CDH23: variants seen among roughly 807,000 people sequenced by gnomAD.
The protein encoded by CDH23 is cadherin related 23.
Under a neutral mutation model 317.1 loss-of-function variants are expected in CDH23, and 189 were observed. The observed-to-expected ratio is 0.60, with a 90% CI of 0.53 to 0.67. CDH23 has a LOEUF of 0.67. CDH23 is among the 30% of genes least tolerant of loss of function. The probability of loss-of-function intolerance (pLI) is 0.00; values close to 1 mark genes in which losing one functional copy is unlikely to be tolerated. For synonymous variants in CDH23, 1,839 were observed against 1,876.8 expected (o/e 0.98, Z 0.52); for missense variants, 4,401 against 4,592.4 (o/e 0.96, Z 1.20).
At chr10:71,655,890 C>T (rs533315987) in intron 14 of CDH23, among the ~76,000 whole-genome samples, 8 of 152,136 alleles carry the variant, frequency 5.3e-5, no homozygotes, top group Non-Finnish European at 1.2e-4. Context: ...AGCCTCATAA[C>T]CCCACATTTC....
At chr10:71,590,601 A>T (rs1238692234) in intron 9 of CDH23, among the ~76,000 whole-genome samples, 1 of 152,162 alleles carries the variant, frequency 6.6e-6, no homozygotes, top group Non-Finnish European at 1.5e-5. Flanking sequence ...TTTCTTTATA[A>T]TGACAGTGGT....
At chr10:71,617,449 C>A (rs772268120) in intron 11 of CDH23, 56 bp downstream of exon 11, 4 of 1,582,636 alleles carry the variant, frequency 2.5e-6, no homozygotes, top group Non-Finnish European at 3.4e-6. Flanking sequence ...GACCCACCAC[C>A]CTGCCTGGGC....
At chr10:71,782,838 G>A (rs905076612) in intron 41 of CDH23, among the ~76,000 whole-genome samples, 1 of 152,264 alleles carries the variant, frequency 6.6e-6, no homozygotes, top group Non-Finnish European at 1.5e-5. Context: ...CCCAGGCAGG[G>A]TGAAGCCTAT....
At chr10:71,400,777 C>T (rs1002781311) in intron 1 of CDH23, among the ~76,000 whole-genome samples, 1 of 152,006 alleles carries the variant, frequency 6.6e-6, no homozygotes, top group Non-Finnish European at 1.5e-5. Flanking sequence ...CCAGCCTGGG[C>T]GACAGAGTGA....
At chr10:71,536,019 A>T (rs1414849654) in intron 6 of CDH23, among the ~76,000 whole-genome samples, 2 of 152,228 alleles carry the variant, frequency 1.3e-5, no homozygotes, top group Non-Finnish European at 2.9e-5. Context: ...TGGTTGCCCG[A>T]GATCTGCATG....
chr10:71,440,428 G>A (rs888922393), intron 2 of CDH23, among the ~76,000 whole-genome samples: 3 of 151,364 alleles, frequency 2.0e-5, no homozygotes, highest in East Asian at 1.9e-4. Flanking sequence ...GATGTCCATC[G>A]GAAGAAAAGA....
intron 9 of CDH23, among the ~76,000 whole-genome samples, chr10:71,610,018 A>T (rs1419095240): frequency 1.7e-4 from 26 of 151,768 alleles, no homozygotes; most frequent in Non-Finnish European, 2.9e-5. Context: ...GAGACGAGAG[A>T]GAGAGAGACG....
intron 1 of CDH23, among the ~76,000 whole-genome samples, chr10:71,414,080 T>TGTGC (rs1213985273): frequency 6.6e-6 from 1 of 151,364 alleles, no homozygotes. Flanking sequence ...TGTGTGTGTG[T>TGTGC]GTGTAATTGT....
chr10:71,523,853 C>A (rs1394871604), intron 6 of CDH23, among the ~76,000 whole-genome samples: 2 of 152,174 alleles, frequency 1.3e-5, no homozygotes, highest in African/African-American at 2.4e-5. Context: ...CTCATCCCGG[C>A]CCCCTCTCCA....
intron 6 of CDH23, among the ~76,000 whole-genome samples, chr10:71,553,153 G>C (rs936080404): frequency 1.3e-5 from 2 of 152,164 alleles, no homozygotes; most frequent in African/African-American, 4.8e-5. Flanking sequence ...CTAATATGCA[G>C]CCAGGGGTGT....
chr10:71,617,861 G>A (rs113710370), intron 11 of CDH23, among the ~76,000 whole-genome samples: 1,665 of 151,954 alleles, frequency 0.011, 36 homozygotes, highest in African/African-American at 0.036. Flanking sequence ...GCGTGGTGGC[G>A]GGCACCTGTA....
chr10:71,648,180 C>T (rs1862988359), intron 14 of CDH23, among the ~76,000 whole-genome samples: 1 of 152,218 alleles, frequency 6.6e-6, no homozygotes, highest in South Asian at 2.1e-4. Context: ...TAGCCCATGA[C>T]TCCTCCAGCT....
At chr10:71,755,324 C>G (rs771476432) in intron 38 of CDH23, 12 of 1,575,706 alleles carry the variant, frequency 7.6e-6, no homozygotes, top group Non-Finnish European at 9.5e-6. Flanking sequence ...GTCACTCGCA[C>G]CGTCCACCCA....
At chr10:71,684,437 C>T (rs553363229) in intron 18 of CDH23, among the ~76,000 whole-genome samples, 11 of 152,072 alleles carry the variant, frequency 7.2e-5, no homozygotes, top group Admixed American at 3.3e-4. Flanking sequence ...TGCTCCACCC[C>T]CCCTGGAGAC....
Position 71,697,459 on chromosome 10 carries a change from A to G in CDH23, c.2397+1934A>G, listed in dbSNP as rs1421421994. Among the ~76,000 whole-genome samples the G allele has an allele frequency of 2.0e-5, 3 of 152,278 alleles. No individual in the cohort carries two copies. In the East Asian group the frequency reaches 5.8e-4, roughly 29 times the overall value. Reference sequence around the variant, plus strand: ...CAAGGCAGGCAGATCGCTTGAGCCCAGGAGTTTGAGACCAGTATGGGCAAC... The same window carrying G: ...CAAGGCAGGCAGATCGCTTGAGCCCGGGAGTTTGAGACCAGTATGGGCAAC... On this transcript the variant is annotated intron_variant, in intron 22 of 69. Transcript: ENST00000224721.
At chr10:71,626,446 G>A (rs1263160065) in intron 11 of CDH23, among the ~76,000 whole-genome samples, 1 of 152,178 alleles carries the variant, frequency 6.6e-6, no homozygotes, top group African/African-American at 2.4e-5. Flanking sequence ...CACGTGTTCA[G>A]CTGAGGGTCC....
intron 27 of CDH23, among the ~76,000 whole-genome samples, chr10:71,710,261 C>T (rs1424711134): frequency 6.6e-6 from 1 of 152,212 alleles, no homozygotes; most frequent in Non-Finnish European, 1.5e-5. Flanking sequence ...TCTCTTTCCC[C>T]TCCCTGGCAG....
intron 54 of CDH23, 62 bp downstream of exon 54, chr10:71,803,137 C>T: frequency 1.2e-6 from 2 of 1,601,114 alleles, no homozygotes; most frequent in Non-Finnish European, 1.7e-6. Flanking sequence ...GGCCTGCCAG[C>T]CCAGGCCAGG....
At chr10:71,557,871 A>G (rs922473615) in intron 6 of CDH23, among the ~76,000 whole-genome samples, 4 of 152,318 alleles carry the variant, frequency 2.6e-5, no homozygotes, top group African/African-American at 9.6e-5. Context: ...ATGCCTCAGT[A>G]TGAGTCTTTC....
Sources: gnomAD v4.1 joint callset for allele counts (sites outside exome capture counted in the v4.1 genomes callset) on GRCh38, gnomAD v4.1.1 for gene constraint, MANE v1.5 for transcripts, NCBI Gene and HGNC (gene_info 2026-07-23, HGNC 2026-07-21) for gene names.